Variants in VAC14 observed in about 807,000 individuals in gnomAD.
VAC14 encodes the protein VAC14 component of PIKFYVE complex, also known as protein VAC14 homolog.
A neutral mutation model predicts 85.3 loss-of-function variants in VAC14; 47 were observed. The ratio of observed to expected loss-of-function variants is 0.55; its 90% CI spans 0.44 to 0.70. The LOEUF is 0.70. Among genes scored for constraint, VAC14 ranks in the 30% least tolerant of loss-of-function variants. The pLI, the probability that VAC14 is intolerant of heterozygous loss-of-function variation, is 0.00. For synonymous variants in VAC14, 447 were observed against 430.5 expected, an observed-to-expected ratio of 1.04 and a Z score of -0.47; for missense variants, 861 against 1,004.3, an observed-to-expected ratio of 0.86 and a Z score of 1.93.
intron 1 of VAC14, among the ~76,000 whole-genome samples, chr16:70,792,627 C>T (rs2034387768): frequency 6.6e-6 from 1 of 152,188 alleles, no homozygotes; most frequent in South Asian, 2.1e-4. Context: ...CTTGACGCCA[C>T]CCTCAATGTC....
At chr16:70,695,446 C>T (rs2053686719) in intron 17 of VAC14, 98 bp downstream of exon 17, 2 of 1,289,462 alleles carry the variant, frequency 1.6e-6, no homozygotes, top group South Asian at 1.3e-5. Context: ...TTCCTCCCTC[C>T]CCAGCCAAAA....
chr16:70,784,417 A>G (rs2033955196), intron 4 of VAC14, among the ~76,000 whole-genome samples, 197 bp from the exon 5 acceptor site: 1 of 152,206 alleles, frequency 6.6e-6, no homozygotes, highest in African/African-American at 2.4e-5. Context: ...GTAGATTGAA[A>G]GCAGGAAGCA....
intron 1 of VAC14, among the ~76,000 whole-genome samples, chr16:70,790,987 A>G (rs914104327): frequency 2.6e-5 from 4 of 152,232 alleles, no homozygotes; most frequent in Admixed American, 6.5e-5. Flanking sequence ...CCCCTGGGCC[A>G]CCGGCAGGAA....
At chr16:70,727,484 C>T (rs1337097996) in intron 14 of VAC14, among the ~76,000 whole-genome samples, 1 of 152,184 alleles carries the variant, frequency 6.6e-6, no homozygotes, top group Non-Finnish European at 1.5e-5. Flanking sequence ...GGATTATAGG[C>T]ATGTGCCACC....
intron 18 of VAC14, chr16:70,691,591 G>T (rs1009536411): frequency 5.1e-6 from 5 of 985,376 alleles, no homozygotes; most frequent in Middle Eastern, 5.2e-4. Context: ...GGGACCACCT[G>T]GCAGCACCCT....
At chr16:70,706,773 T>C (rs2053928104) in intron 14 of VAC14, among the ~76,000 whole-genome samples, 1 of 152,222 alleles carries the variant, frequency 6.6e-6, no homozygotes. Flanking sequence ...ATTACAGGTG[T>C]GAACCACCAC....
At chr16:70,778,035 T>C (rs140643648) in intron 9 of VAC14, among the ~76,000 whole-genome samples, 2 of 152,298 alleles carry the variant, frequency 1.3e-5, no homozygotes, top group East Asian at 3.9e-4. Flanking sequence ...AAATTAGCTC[T>C]TACCATCTCT....
At chr16:70,741,376 C>A (rs937364768) in intron 13 of VAC14, among the ~76,000 whole-genome samples, 6 of 152,238 alleles carry the variant, frequency 3.9e-5, no homozygotes, top group Admixed American at 6.5e-5. Context: ...CGTGCCCTCC[C>A]GGGGCAGCGG....
intron 14 of VAC14, among the ~76,000 whole-genome samples, chr16:70,726,597 C>T (rs2054435398): frequency 6.6e-6 from 1 of 152,190 alleles, no homozygotes; most frequent in South Asian, 2.1e-4. Context: ...ACAGGTCACA[C>T]AGTTAAAAAT....
intron 14 of VAC14, among the ~76,000 whole-genome samples, chr16:70,708,769 G>A (rs2053970972): frequency 6.6e-6 from 1 of 152,202 alleles, no homozygotes; most frequent in East Asian, 1.9e-4. Flanking sequence ...AAAACGCAGT[G>A]TGAGGAGGGC....
At chr16:70,766,164 A>G (rs1455347413) in intron 10 of VAC14, among the ~76,000 whole-genome samples, 1 of 151,672 alleles carries the variant, frequency 6.6e-6, no homozygotes, top group East Asian at 1.9e-4. Context: ...AAGAAAAAAA[A>G]AAAAAAAAGA....
intron 12 of VAC14, among the ~76,000 whole-genome samples, chr16:70,760,962 GGTGTGTGTGTGTGTGTGTGTGT>G (rs10671938): frequency 2.5e-4 from 12 of 47,626 alleles, no homozygotes; most frequent in East Asian, 1.5e-3. Context: ...ACGAAGAGAG[GGTGTGTGTGTGTGTGTGTGTGT>G]GTGTGTGTGT....
intron 6 of VAC14, 142 bp downstream of exon 6, chr16:70,783,303 C>T (rs948216649): frequency 2.9e-6 from 3 of 1,039,268 alleles, no homozygotes; most frequent in African/African-American, 1.6e-5. Flanking sequence ...GGGCTCTTGG[C>T]TCCTCAAAGC....
chr16:70,785,821 A>G lies in VAC14; in HGVS notation c.304T>C (p.Phe102Leu). The change falls in exon 3 of 19, where the codon TTC (phenylalanine) becomes CTC (leucine). Residue 102 changes from phenylalanine (F) to leucine (L), a missense_variant. By Grantham distance (22) the Phe-to-Leu change is conservative (BLOSUM62 0). Around this residue, in one of 3 missense-constraint regions of VAC14, gnomAD observed 629 missense variants for 703.1 expected, o/e 0.89. Coordinates refer to ENST00000261776, the MANE Select transcript of VAC14 (RefSeq NM_018052.5). ...KELIEPVLTC[F>L]NDADSRLRYY... ...CGCAGCCTGCTGTCTGCATCATTGA[A>G]GCAGGTCAGCACTGGCTCGATCAGC... is the stretch of plus-strand genomic sequence containing the variant. 6.2e-7 allele frequency: 1 copy of G among 1,605,084 alleles called. No homozygotes were observed. The highest frequency in any genetic ancestry group is 2.2e-5 in the East Asian group (1 of 44,712).
intron 14 of VAC14, chr16:70,699,238 A>C (rs16970437): frequency 0.11 from 21,028 of 195,598 alleles, 2,270 homozygotes; most frequent in African/African-American, 0.3. Context: ...TCATCCAGCC[A>C]ATTCTCCACA....
chr16:70,737,746 G>C (rs184744073), intron 13 of VAC14, among the ~76,000 whole-genome samples: 1 of 152,324 alleles, frequency 6.6e-6, no homozygotes, highest in Non-Finnish European at 1.5e-5. Context: ...AACCTGCCCC[G>C]GGATGTTTTG....
intron 18 of VAC14, chr16:70,688,532 A>G: frequency 1.0e-6 from 1 of 986,508 alleles, no homozygotes; most frequent in Non-Finnish European, 1.2e-6. Flanking sequence ...GAAAATGGGA[A>G]TTGCTGAAGA....
chr16:70,728,019 C>T (rs933950247), intron 14 of VAC14, among the ~76,000 whole-genome samples: 24 of 152,336 alleles, frequency 1.6e-4, no homozygotes, highest in African/African-American at 5.8e-4. Context: ...AGGAGAGACC[C>T]AGTCCTCTGT....
At chr16:70,768,721 A>T in intron 10 of VAC14, 2 of 425,944 alleles carry the variant, frequency 4.7e-6, no homozygotes, top group South Asian at 3.3e-5. Context: ...AATCTTTCAT[A>T]AAAAATCTGG....
Sources: allele counts gnomAD v4.1 joint callset (sites outside exome capture counted in the v4.1 genomes callset), GRCh38; gene constraint gnomAD v4.1.1; regional missense constraint gnomAD v4.1.1; transcripts MANE v1.5; gene names NCBI Gene and HGNC (gene_info 2026-07-23, HGNC 2026-07-21).